Variants in FGF12 observed in about 807,000 individuals in gnomAD.
The protein encoded by FGF12 is fibroblast growth factor 12B.
FGF12 carries 14 observed loss-of-function variants against 23.6 expected under a neutral mutation model. The ratio of observed to expected loss-of-function variants is 0.59; its 90% CI spans 0.39 to 0.93. The LOEUF is 0.93. FGF12 is among the 40% of genes least tolerant of loss of function. The pLI is 0.00. For missense variants in FGF12, 175 were observed against 217.8 expected (o/e 0.80, Z 1.24); for synonymous variants, 62 against 77.3 (o/e 0.80, Z 1.04).
chr3:192,205,110 G>C (rs1006339979), intron 4 of FGF12, among the ~76,000 whole-genome samples: 1 of 151,940 alleles, frequency 6.6e-6, no homozygotes, highest in Non-Finnish European at 1.5e-5. Context: ...GTTATCTTTT[G>C]GGAGGACAAA....
At chr3:192,619,645 C>A (rs973905069) in intron 2 of FGF12, among the ~76,000 whole-genome samples, 8 of 152,112 alleles carry the variant, frequency 5.3e-5, no homozygotes, top group African/African-American at 1.4e-4. Context: ...AGTAGTAAAC[C>A]CAATTCTGAC....
At chr3:192,620,143 C>G (rs1560171761) in intron 2 of FGF12, among the ~76,000 whole-genome samples, 1 of 152,106 alleles carries the variant, frequency 6.6e-6, no homozygotes, top group African/African-American at 2.4e-5. Context: ...CGACCTCACT[C>G]TCATCCTCCT....
At chr3:192,594,993 G>A (rs1213197310) in intron 2 of FGF12, among the ~76,000 whole-genome samples, 1 of 147,898 alleles carries the variant, frequency 6.8e-6, no homozygotes, top group African/African-American at 2.4e-5. Context: ...AAAGTTAGAT[G>A]CCAACTTGTA....
At chr3:192,365,345 T>C (rs1718929937) in intron 2 of FGF12, among the ~76,000 whole-genome samples, 1 of 150,964 alleles carries the variant, frequency 6.6e-6, no homozygotes, top group Admixed American at 6.6e-5. Flanking sequence ...TAAAAAGACA[T>C]AACAACTAAA....
chr3:192,428,519 AAAG>A, intron 2 of FGF12, among the ~76,000 whole-genome samples: 1 of 152,186 alleles, frequency 6.6e-6, no homozygotes, highest in African/African-American at 2.4e-5. Context: ...AAAAAAGAAA[AAAG>A]AAAAAACACT....
Position 192,671,245 on chromosome 3 carries a change from A to ATTG in FGF12, c.13+55933_13+55935dup, listed in dbSNP as rs1717104558. ...GAAAACATTAAAAGAGAGTGATGTG[A>ATTG]TTGTTTTTGTGCTTTAGAAAAAACA... On this transcript the variant is annotated intron_variant, in intron 2 of 5. Transcript: ENST00000445105. Among the ~76,000 whole-genome samples the ATTG allele has an allele frequency of 2.6e-5, 4 of 152,294 alleles. No homozygotes were observed. The South Asian group carries it at 6.2e-4, about 24-fold the overall frequency.
intron 4 of FGF12, among the ~76,000 whole-genome samples, chr3:192,206,825 A>G (rs7624178): frequency 1.3e-5 from 2 of 151,908 alleles, no homozygotes; most frequent in African/African-American, 4.8e-5. Flanking sequence ...TCTGTATCCA[A>G]CTCTAAAGCA....
At chr3:192,367,535 C>T (rs6444633) in intron 2 of FGF12, among the ~76,000 whole-genome samples, 97,203 of 152,120 alleles carry the variant, frequency 0.64, 33,836 homozygotes, top group East Asian at 0.93. Flanking sequence ...ATACCATAAA[C>T]CAAAGTCCCA....
intron 2 of FGF12, among the ~76,000 whole-genome samples, chr3:192,524,229 A>G (rs574706384): frequency 5.3e-5 from 8 of 152,308 alleles, no homozygotes; most frequent in African/African-American, 1.9e-4. Flanking sequence ...AACTTACTTG[A>G]TAATAGGCAT....
At chr3:192,246,588 C>A (rs769491079) in intron 4 of FGF12, among the ~76,000 whole-genome samples, 2 of 151,944 alleles carry the variant, frequency 1.3e-5, no homozygotes, top group Non-Finnish European at 2.9e-5. Flanking sequence ...CTTTGGGAGA[C>A]CGAGGTGGGT....
chr3:192,428,732 A>G (rs73064284), intron 2 of FGF12, among the ~76,000 whole-genome samples: 6,689 of 152,248 alleles, frequency 0.044, 489 homozygotes, highest in African/African-American at 0.15. Context: ...ATATTTTACA[A>G]ACTAACAGAA....
chr3:192,608,962 A>T (rs1325042967), intron 2 of FGF12, among the ~76,000 whole-genome samples: 2 of 152,106 alleles, frequency 1.3e-5, no homozygotes, highest in African/African-American at 4.8e-5. Flanking sequence ...GAGGATACTA[A>T]AAAAGGCATT....
At chr3:192,682,705 A>G (rs901058060) in intron 2 of FGF12, among the ~76,000 whole-genome samples, 1 of 152,164 alleles carries the variant, frequency 6.6e-6, no homozygotes, top group African/African-American at 2.4e-5. Context: ...GGGCCCATGA[A>G]CCACACCTGA....
intron 2 of FGF12, among the ~76,000 whole-genome samples, chr3:192,653,595 T>C: frequency 6.6e-6 from 1 of 152,336 alleles, no homozygotes; most frequent in Non-Finnish European, 1.5e-5. Flanking sequence ...TCCAAATTAG[T>C]TCCTGTATGT....
At chr3:192,443,301 T>G (rs760056718) in intron 2 of FGF12, among the ~76,000 whole-genome samples, 5 of 152,218 alleles carry the variant, frequency 3.3e-5, no homozygotes, top group Non-Finnish European at 5.9e-5. Flanking sequence ...CTTTGTACAA[T>G]TGTGTCACTG....
chr3:192,658,982 T>A (rs1716550316), intron 2 of FGF12, among the ~76,000 whole-genome samples: 1 of 152,136 alleles, frequency 6.6e-6, no homozygotes, highest in Non-Finnish European at 1.5e-5. Context: ...GGGTTAGTGG[T>A]CCGGCCAGGA....
chr3:192,224,996 T>C (rs1432157320), intron 4 of FGF12, among the ~76,000 whole-genome samples: 1 of 152,112 alleles, frequency 6.6e-6, no homozygotes, highest in Admixed American at 6.6e-5. Flanking sequence ...TTAGCATTTC[T>C]TACCAGCACC....
rs11394352 is a variant in FGF12, at chr3:192,167,731, GTATATATATA to G, written c.427+2717_427+2726del. Among the ~76,000 whole-genome samples, 26 of 25,046 alleles carry G rather than the reference GTATATATATA, an allele frequency of 1.0e-3. 1 individual carries two copies. The highest frequency in any genetic ancestry group is 6.4e-3 in the East Asian group (4 of 622). The allele number at this position is 25,046 out of a possible 152,430, so 16.4% of individuals were successfully genotyped here. A position where few individuals can be genotyped will look rare whatever the true frequency, so the allele number is the denominator to read the frequency against. The stretch of plus-strand genomic sequence containing the variant: ...CTAAAATTAGGAGGGTAGGTTATAG[GTATATATATA>G]TATATATATATATATATATATATAT... On this transcript the variant is annotated intron_variant, in intron 5 of 5. Transcript: ENST00000445105.
At chr3:192,158,382 C>CT (rs145453891) in intron 5 of FGF12, among the ~76,000 whole-genome samples, 2 of 81,468 alleles carry the variant, frequency 2.5e-5, no homozygotes, top group East Asian at 3.2e-4. Flanking sequence ...TTCTTTCTTT[C>CT]TTTTCTTTCT....
Sources: gnomAD v4.1 joint callset for allele counts (sites outside exome capture counted in the v4.1 genomes callset) on GRCh38, gnomAD v4.1.1 for gene constraint, MANE v1.5 for transcripts, NCBI Gene and HGNC (gene_info 2026-07-23, HGNC 2026-07-21) for gene names.